EXD3: variants seen among roughly 807,000 people sequenced by gnomAD.
The protein encoded by EXD3 is exonuclease 3'-5' domain containing 3, also known as exonuclease mut-7 homolog.
Under a neutral mutation model 98.0 loss-of-function variants are expected in EXD3, and 92 were observed. The observed-to-expected ratio is 0.94, with a 90% CI of 0.79 to 1.12. EXD3 has a LOEUF of 1.12. Ranked by LOEUF, EXD3 falls within the 50% of genes most tolerant of loss-of-function variation. EXD3 has a pLI of 0.00. For missense variants in EXD3, 1,222 were observed against 1,191.6 expected (o/e 1.03, Z -0.38); for synonymous variants, 569 against 526.0 (o/e 1.08, Z -1.12).
At chr9:137,374,319 C>T (rs546550510) in intron 3 of EXD3, among the ~76,000 whole-genome samples, 5 of 152,336 alleles carry the variant, frequency 3.3e-5, no homozygotes, top group East Asian at 1.9e-4. Context: ...GACCTGAAGC[C>T]GACGGCCACG....
intron 17 of EXD3, among the ~76,000 whole-genome samples, chr9:137,327,757 T>C (rs1292909510): frequency 1.1e-4 from 17 of 151,140 alleles, no homozygotes; most frequent in Middle Eastern, 3.4e-3. Flanking sequence ...AAACAACTAA[T>C]ATACTCCCAT....
chr9:137,377,829 T>C (rs929445243), intron 3 of EXD3, among the ~76,000 whole-genome samples: 2 of 141,300 alleles, frequency 1.4e-5, no homozygotes, highest in African/African-American at 5.3e-5. Context: ...AGTCTTGCTC[T>C]GTCGCCCAGG....
chr9:137,404,211 G>A (rs1051051831), intron 1 of EXD3, among the ~76,000 whole-genome samples: 3 of 152,192 alleles, frequency 2.0e-5, no homozygotes, highest in East Asian at 1.9e-4. Context: ...GTGACATGGC[G>A]CCTAGGGCTT....
At chr9:137,379,569 C>A (rs1015941232) in intron 3 of EXD3, among the ~76,000 whole-genome samples, 1 of 151,770 alleles carries the variant, frequency 6.6e-6, no homozygotes. Context: ...AAGCGATGAA[C>A]CATTCTGAAA....
intron 1 of EXD3, among the ~76,000 whole-genome samples, chr9:137,420,418 A>G (rs1268714104): frequency 1.3e-5 from 2 of 152,174 alleles, no homozygotes; most frequent in African/African-American, 4.8e-5. Context: ...ATTCATGAGT[A>G]TTCTTATTTT....
intron 19 of EXD3, among the ~76,000 whole-genome samples, chr9:137,316,161 G>T (rs1423959198): frequency 2.0e-5 from 3 of 150,852 alleles, no homozygotes; most frequent in Admixed American, 6.6e-5. Context: ...GTGAGAACCC[G>T]CCGGGCCGGG....
In EXD3 at chr9:137,347,106, C is replaced by A. The variant is rs1173889572; in HGVS notation, c.1998+965G>T. Among the ~76,000 whole-genome samples the A allele has an allele frequency of 6.6e-6, 1 of 152,138 alleles. No individual in the cohort carries two copies. Among genetic ancestry groups the A allele is most frequent in the African/African-American group, 2.4e-5 (1 of 41,418 alleles). On this transcript the variant is annotated intron_variant, in intron 17 of 21. Transcript: ENST00000340951. The surrounding 1 kb of genome is among the most constrained non-coding windows in gnomAD (Gnocchi z 4.2). ...AGGGATTACAGGCGTGAGCACCCAGCCTCCATGTCATTTTTCTAATGCTGC... is the reference window on the plus strand; with the variant it reads ...AGGGATTACAGGCGTGAGCACCCAGACTCCATGTCATTTTTCTAATGCTGC...
chr9:137,393,135 G>A lies in EXD3; in HGVS notation c.55+2168C>T, dbSNP rs1302365452. ...GGGAGGGCCATTAGTGTTCCAGGGG[G>A]CGCCGAGGCTGTTCCAGGGGCCCTG... On this transcript the variant is annotated intron_variant, in intron 2 of 21. Coordinates refer to ENST00000340951, the MANE Select transcript of EXD3 (RefSeq NM_017820.5). The surrounding 1 kb of genome is among the most constrained non-coding windows in gnomAD (Gnocchi z 4.6). 2 of 701,330 alleles carry A rather than the reference G, an allele frequency of 2.9e-6. No homozygotes were observed. The highest frequency in any genetic ancestry group is 3.5e-5 in the African/African-American group (2 of 57,130). The allele number at this position is 701,330 out of a possible 1,614,324, so 43.4% of individuals were successfully genotyped here.
chr9:137,358,949 CCTA>C (rs376010190), intron 7 of EXD3, among the ~76,000 whole-genome samples: 187 of 150,796 alleles, frequency 1.2e-3, no homozygotes, highest in African/African-American at 3.7e-3. Context: ...CCTGGCAAGG[CCTA>C]CTTTTTTTTT....
In EXD3 at chr9:137,384,611, C is replaced by T. The variant is rs570681024; in HGVS notation, c.56-1234G>A. On this transcript the variant is annotated intron_variant, in intron 2 of 21. Transcript: ENST00000340951. ...GGAAAACAGAAACATCAGGACCGGC[C>T]GACAATGTGATTGATTACACAGAAA... is the stretch of plus-strand genomic sequence containing the variant. Among the ~76,000 whole-genome samples, 8 of 152,236 alleles carry T rather than the reference C, an allele frequency of 5.3e-5. No homozygotes were observed. In the South Asian group the frequency reaches 8.3e-4, roughly 16 times the overall value.
At chr9:137,422,856 G>A (rs905158854) in intron 1 of EXD3, among the ~76,000 whole-genome samples, 1 of 152,104 alleles carries the variant, frequency 6.6e-6, no homozygotes, top group Non-Finnish European at 1.5e-5. Context: ...TGCGGGACAG[G>A]GCGGCGGGGT....
In EXD3 at chr9:137,381,744, C is replaced by T. The variant is rs535413800; in HGVS notation, c.120+1569G>A. 7.2e-5 allele frequency among the ~76,000 whole-genome samples: 11 copies of T among 152,326 alleles called. No homozygotes were observed. In the East Asian group the frequency reaches 1.4e-3, roughly 19 times the overall value. ...ATCTCCCTCCTCTGGGGGCACCCGG[C>T]GTCTGTGCCACCATATGGGGGTCCC... is the stretch of plus-strand genomic sequence containing the variant. On this transcript the variant is annotated intron_variant, in intron 3 of 21. Transcript: ENST00000340951.
At chr9:137,411,531 G>T (rs1183300118) in intron 1 of EXD3, among the ~76,000 whole-genome samples, 1 of 151,692 alleles carries the variant, frequency 6.6e-6, no homozygotes, top group African/African-American at 2.4e-5. Context: ...TCCCTCAAAC[G>T]ACCCCTGAAC....
At chr9:137,384,779 T>C (rs1455373200) in intron 2 of EXD3, among the ~76,000 whole-genome samples, 1 of 152,178 alleles carries the variant, frequency 6.6e-6, no homozygotes, top group Non-Finnish European at 1.5e-5. Flanking sequence ...CAATGTCAGA[T>C]TCCCTGGGAG....
At chr9:137,313,718 G>T (rs1487112330) in intron 19 of EXD3, among the ~76,000 whole-genome samples, 1 of 151,898 alleles carries the variant, frequency 6.6e-6, no homozygotes, top group Non-Finnish European at 1.5e-5. Flanking sequence ...AACCCTGCAG[G>T]CAGGTCCAGG....
chr9:137,351,924 C>T, intron 12 of EXD3, 142 bp downstream of exon 12: 3 of 1,074,364 alleles, frequency 2.8e-6, no homozygotes, highest in East Asian at 2.6e-5. Flanking sequence ...GGAACGGCTG[C>T]CCTCACAGCA....
intron 3 of EXD3, among the ~76,000 whole-genome samples, chr9:137,382,896 C>T (rs942684780): frequency 6.6e-6 from 1 of 152,204 alleles, no homozygotes; most frequent in African/African-American, 2.4e-5. Flanking sequence ...CCCGCCCAGC[C>T]TCCTGCCCTG....
chr9:137,354,599 A>G, intron 9 of EXD3, 101 bp downstream of exon 9: 8 of 1,564,776 alleles, frequency 5.1e-6, no homozygotes, highest in Admixed American at 1.9e-5. Context: ...CTCCTACTTG[A>G]TATGTCTGTG....
intron 1 of EXD3, among the ~76,000 whole-genome samples, chr9:137,401,624 C>T (rs1418410280): frequency 1.3e-5 from 2 of 152,230 alleles, no homozygotes; most frequent in Non-Finnish European, 2.9e-5. Context: ...CTCAACACCA[C>T]GTGGAAGCTG....
Sources: gnomAD v4.1 joint callset for allele counts (sites outside exome capture counted in the v4.1 genomes callset) on GRCh38, gnomAD v4.1.1 for gene constraint, Gnocchi (gnomAD v3.1) non-coding constraint, MANE v1.5 for transcripts, NCBI Gene and HGNC (gene_info 2026-07-23, HGNC 2026-07-21) for gene names.